ASPM: variants seen among roughly 807,000 people sequenced by gnomAD.
ASPM encodes the protein abnormal spindle-like microcephaly-associated protein.
In ASPM, 256 loss-of-function variants were observed where a neutral mutation model predicts 366.4. That is an observed-to-expected ratio of 0.70 (90% CI 0.63 to 0.77). The LOEUF (loss-of-function observed/expected upper bound fraction) is 0.77, where lower values mean the gene tolerates loss of function less well. Ranked by LOEUF, ASPM falls within the 30% of genes least tolerant of loss-of-function variation. The probability of loss-of-function intolerance (pLI) is 0.00; values close to 1 mark genes in which losing one functional copy is unlikely to be tolerated. For synonymous variants in ASPM, 1,414 were observed against 1,342.9 expected, an observed-to-expected ratio of 1.05 and a Z score of -1.16; for missense variants, 4,146 against 4,090.4, an observed-to-expected ratio of 1.01 and a Z score of -0.37.
In ASPM at chr1:197,146,165, C is replaced by CA; in HGVS notation, c.272dup (p.Ser92ValfsTer10). ...CCTGCAACACGAAACAGCGCTGCGA[C>CA]ACACTGAAGCCCAGGTCCGCGGCCG... is the stretch of plus-strand genomic sequence containing the variant. On this transcript the variant is annotated frameshift_variant, in exon 1 of 28. Coordinates refer to ENST00000367409, the MANE Select transcript of ASPM (RefSeq NM_018136.5). LOFTEE classifies it high-confidence loss of function. The CA allele has an allele frequency of 6.2e-7, 1 of 1,614,098 alleles. No individual in the cohort carries two copies. The highest frequency in any genetic ancestry group is 1.1e-5 in the South Asian group (1 of 91,088).
In ASPM at chr1:197,128,355, A is replaced by AC; in HGVS notation, c.2936+134_2936+135insG. The AC allele has an allele frequency of 5.3e-6, 5 of 945,382 alleles. No individual in the cohort carries two copies. The East Asian group carries it at 1.3e-4, about 25-fold the overall frequency. 58.6% of individuals were successfully genotyped at this position (945,382 alleles called of 1,614,324 possible). ...GTACCACTTCCCTGAAAAAAAAAAA[A>AC]AAACCTCAATTTTTTTCAGTACTAA... On this transcript the variant is annotated intron_variant, in intron 10 of 27. Transcript: ENST00000367409.
chr1:197,129,426 G>T, intron 8 of ASPM, 109 bp from the exon 9 acceptor site: 2 of 1,233,368 alleles, frequency 1.6e-6, no homozygotes, highest in Non-Finnish European at 2.3e-6. Flanking sequence ...AAAGTGTAGG[G>T]TAGCAAGCAC....
chr1:197,106,589 T>A (rs575196575), intron 17 of ASPM, among the ~76,000 whole-genome samples: 1 of 152,194 alleles, frequency 6.6e-6, no homozygotes, highest in South Asian at 2.1e-4. Context: ...ACTCCATTAC[T>A]GAAATGTTAA....
In ASPM at chr1:197,103,560, TTCCCTTCTAA is replaced by T; in HGVS notation, c.5681_5690del (p.Ile1894AsnfsTer6). The T allele has an allele frequency of 6.2e-7, 1 of 1,613,084 alleles. No individual in the cohort carries two copies. Among genetic ancestry groups the T allele is most frequent in the Non-Finnish European group, 8.5e-7 (1 of 1,179,478 alleles). On this transcript the variant is annotated frameshift_variant, in exon 18 of 28. Coordinates refer to ENST00000367409, the MANE Select transcript of ASPM (RefSeq NM_018136.5). LOFTEE classifies it high-confidence loss of function. ...ACTGAATCTTCAAGGCAGCTTGATGTTCCCTTCTAATCTGTTTCCGAACCTTCCAGCCACG... is the reference window on the plus strand; with the variant it reads ...ACTGAATCTTCAAGGCAGCTTGATGTTCTGTTTCCGAACCTTCCAGCCACG...
chr1:197,131,340 A>G (rs1658247700), intron 7 of ASPM, among the ~76,000 whole-genome samples: 1 of 152,236 alleles, frequency 6.6e-6, no homozygotes, highest in South Asian at 2.1e-4. Context: ...AAAAAACTAA[A>G]GAATACAGAC....
intron 22 of ASPM, 129 bp downstream of exon 22, chr1:197,091,778 C>CAGCTATA: frequency 1.1e-6 from 1 of 917,728 alleles, no homozygotes; most frequent in Non-Finnish European, 1.6e-6. Flanking sequence ...ATCATTGTAA[C>CAGCTATA]AGCTATAAGG....
At position 197,135,078 on chromosome 1, in the gene ASPM, C is replaced by T. The variant is rs908481364; in HGVS notation, c.2173+18G>A. On this transcript the variant is annotated intron_variant, in intron 5 of 27. Coordinates refer to ENST00000367409, the MANE Select transcript of ASPM (RefSeq NM_018136.5). Reference sequence around the variant, plus strand: ...TGTTAAAAGTATTATTAAATTTAAACATTAATTTAACGTTTACCTTCAGAA... The same window carrying T: ...TGTTAAAAGTATTATTAAATTTAAATATTAATTTAACGTTTACCTTCAGAA... The T allele has an allele frequency of 1.3e-6, 2 of 1,489,314 alleles. No homozygotes were observed. Among genetic ancestry groups the T allele is most frequent in the Non-Finnish European group, 1.9e-6 (2 of 1,078,110 alleles). 92.3% of individuals were successfully genotyped at this position (1,489,314 alleles called of 1,614,324 possible).
chr1:197,125,158 G>T lies in ASPM; in HGVS notation c.2970C>A (p.Asp990Glu), dbSNP rs773233519. ...RTMELLTQNW[D>E]LSKKLRIPAI... ...CCGGAATCCTGAGTTTCTTTGAGAG[G>T]TCCCAGTTCTGTGTGAGAAGTTCCA... is the stretch of plus-strand genomic sequence containing the variant. Residue 990 changes from aspartate (D) to glutamate (E), a missense_variant, in exon 11 of 28, where the codon GAC (aspartate) becomes GAA (glutamate). Physicochemically the swap from Asp to Glu is conservative, Grantham distance 45. Coordinates refer to ENST00000367409, the MANE Select transcript of ASPM (RefSeq NM_018136.5). The T allele has an allele frequency of 2.5e-6, 4 of 1,613,812 alleles. No individual in the cohort carries two copies. The South Asian group carries it at 4.4e-5, about 18-fold the overall frequency.
rs1317975016 is a variant in ASPM at position 197,146,452 on chromosome 1, C to T, written c.-15G>A. ...CGGTTCGCCATGGCAGATTCGAGAC[C>T]CCTCCTGGATCTCCTTGCCCCGCTC... is the stretch of plus-strand genomic sequence containing the variant. On this transcript the variant is annotated 5_prime_UTR_variant, in exon 1 of 28. Transcript: ENST00000367409. 1 of 1,604,162 alleles carries T rather than the reference C, an allele frequency of 6.2e-7. No homozygotes were observed. Among genetic ancestry groups the T allele is most frequent in the Non-Finnish European group, 8.5e-7 (1 of 1,179,384 alleles).
At chr1:197,106,960 C>G (rs1657430651) in intron 17 of ASPM, among the ~76,000 whole-genome samples, 1 of 152,072 alleles carries the variant, frequency 6.6e-6, no homozygotes, top group South Asian at 2.1e-4. Context: ...TCATCTCTCC[C>G]AGTAACTATA....
chr1:197,084,527 C>G, intron 27 of ASPM, 101 bp from the exon 28 acceptor site: 1 of 755,008 alleles, frequency 1.3e-6, no homozygotes, highest in South Asian at 1.5e-5. Context: ...CTCCTGAACA[C>G]ATCATTTCCC....
At position 197,103,087 on chromosome 1, in the gene ASPM, C is replaced by T; in HGVS notation, c.6164G>A (p.Arg2055Lys). 1 of 1,612,728 alleles carries T rather than the reference C, an allele frequency of 6.2e-7. No homozygotes were observed. The highest frequency in any genetic ancestry group is 8.5e-7 in the Non-Finnish European group (1 of 1,179,334). ...KAAVTIQSKY[R>K]AYKTKKKYAT... ...ATATTTCTTTTTGGTTTTGTAAGCT[C>T]TGTATTTAGACTGTATAGTGACTGC... The change falls in exon 18 of 28, where the codon AGA becomes AAA. Residue 2055 changes from arginine (R) to lysine (K), a missense_variant. Physicochemically the swap from Arg to Lys is conservative, Grantham distance 26 (BLOSUM62 2). Around this residue, in one of 3 missense-constraint regions of ASPM, gnomAD observed 3,624 missense variants for 3,591.7 expected, o/e 1.01. Transcript: ENST00000367409.
Position 197,104,373 on chromosome 1 carries a change from T to A in ASPM, c.4878A>T (p.Leu1626=), listed in dbSNP as rs757281037. Reference sequence around the variant, plus strand: ...CAGAGCGTGTTTTCTGGTAAGATGCTAGAACTTTCATGGCAAAAATATAAG... The same window carrying A: ...CAGAGCGTGTTTTCTGGTAAGATGCAAGAACTTTCATGGCAAAAATATAAG... ...FRAYIFAMKV[L]ASYQKTRSAV... Residue 1626 remains leucine, a synonymous_variant, in exon 18 of 28, where the codon CTA becomes CTT. Coordinates refer to ENST00000367409, the MANE Select transcript of ASPM (RefSeq NM_018136.5). The A allele has an allele frequency of 6.2e-7, 1 of 1,613,134 alleles. No individual in the cohort carries two copies. Among genetic ancestry groups the A allele is most frequent in the Non-Finnish European group, 8.5e-7 (1 of 1,179,436 alleles).
chr1:197,133,456 A>G lies in ASPM; in HGVS notation c.2313T>C (p.Arg771=). The G allele has an allele frequency of 6.2e-7, 1 of 1,614,116 alleles. No homozygotes were observed. ...TAACCATTTTTTCAGAAGTAAACAA[A>G]CGGCATGCTGCACGACGTAGTCTGT... ...RLNRLRRAAC[R]LFTSEKMVKA... Residue 771 remains arginine (R), a synonymous_variant, in exon 6 of 28, where the codon CGT becomes CGC. Coordinates refer to ENST00000367409, the MANE Select transcript of ASPM (RefSeq NM_018136.5).
At chr1:197,112,823 C>T (rs1019495721) in intron 17 of ASPM, among the ~76,000 whole-genome samples, 7 of 151,988 alleles carry the variant, frequency 4.6e-5, no homozygotes, top group East Asian at 1.9e-4. Flanking sequence ...AGCTGTGCCC[C>T]GACTGCCTTG....
In ASPM at chr1:197,088,256, A is replaced by T; in HGVS notation, c.10161T>A (p.Ser3387=). 6.2e-7 allele frequency: 1 copy of T among 1,612,758 alleles called. No individual in the cohort carries two copies. The highest frequency in any genetic ancestry group is 8.5e-7 in the Non-Finnish European group (1 of 1,179,226). The change falls in exon 26 of 28, where the codon TCT becomes TCA. Residue 3387 remains serine (S), a splice_region_variant and synonymous_variant. Coordinates refer to ENST00000367409, the MANE Select transcript of ASPM (RefSeq NM_018136.5). ...AGAAAGGCAACTGACTAATACTTAC[A>T]GAGGCTCTATTTGTTGTCTTCAGTA... ...AILLKTTNRA[S]DVRSRSKVVD...
chr1:197,124,179 T>C lies in ASPM; in HGVS notation c.3321A>G (p.Glu1107=). 1.2e-6 allele frequency: 2 copies of C among 1,612,936 alleles called. No homozygotes were observed. The highest frequency in any genetic ancestry group is 2.2e-5 in the South Asian group (2 of 90,970). ...KKGKRDSGSF[E]QYSENIKLLM... is the part of the protein sequence containing the mutation. ...ATAACTTTATGTTTTCACTATATTG[T>C]TCAAAGGAACCACTATCCCTTTTGC... Residue 1107 remains glutamate (E), a synonymous_variant, in exon 13 of 28, where the codon GAA becomes GAG. Coordinates refer to ENST00000367409, the MANE Select transcript of ASPM (RefSeq NM_018136.5).
chr1:197,144,046 C>T lies in ASPM; in HGVS notation c.352G>A (p.Val118Ile). Residue 118 changes from valine (V) to isoleucine (I), a missense_variant, in exon 2 of 28, where the codon GTA (valine) becomes ATA (isoleucine). Physicochemically the swap from Val to Ile is conservative, Grantham distance 29. Coordinates refer to ENST00000367409, the MANE Select transcript of ASPM (RefSeq NM_018136.5). ...ACAAGAAATGTCATAATCTCTCTTA[C>T]TCGGCCTTCTTTGAGTGGTGTCCAG... ...VNWTPLKEGR[V>I]REIMTFLVND... 1.9e-6 allele frequency: 3 copies of T among 1,610,854 alleles called. No homozygotes were observed. The highest frequency in any genetic ancestry group is 1.7e-6 in the Non-Finnish European group (2 of 1,177,338).
At chr1:197,133,000 G>A (rs1658309804) in intron 6 of ASPM, among the ~76,000 whole-genome samples, 1 of 152,062 alleles carries the variant, frequency 6.6e-6, no homozygotes, top group Admixed American at 6.6e-5. Flanking sequence ...GTTGTCAAAG[G>A]AGTATAAAGT....
Sources: allele counts gnomAD v4.1 joint callset (sites outside exome capture counted in the v4.1 genomes callset), GRCh38; gene constraint gnomAD v4.1.1; regional missense constraint gnomAD v4.1.1; transcripts MANE v1.5; gene names NCBI Gene and HGNC (gene_info 2026-07-23, HGNC 2026-07-21).